The following NAV3 variants were observed in gnomAD, a reference collection of about 807,000 sequenced individuals.
The protein encoded by NAV3 is neuron navigator 3.
NAV3 carries 87 observed loss-of-function variants against 244.7 expected under a neutral mutation model. The ratio of observed to expected loss-of-function variants is 0.36; its 90% CI spans 0.30 to 0.42. The LOEUF is 0.42. NAV3 is among the 20% of genes least tolerant of loss of function. The pLI is 1.00. For missense variants in NAV3, 2,663 were observed against 2,893.3 expected (o/e 0.92, Z 1.83); for synonymous variants, 1,126 against 1,042.2 (o/e 1.08, Z -1.55).
intron 2 of NAV3, among the ~76,000 whole-genome samples, chr12:77,663,582 C>T (rs965851053): frequency 6.8e-5 from 10 of 148,014 alleles, no homozygotes; most frequent in African/African-American, 2.3e-4. Context: ...AGCGCAATGG[C>T]GCGATCTCGG....
At chr12:77,828,564 T>G (rs1251451771), upstream of NAV3, among the ~76,000 whole-genome samples, 1 of 152,160 alleles carries the variant, frequency 6.6e-6, no homozygotes, top group Non-Finnish European at 1.5e-5. Flanking sequence ...ATTTTTTACT[T>G]TCTCGGTGCC....
chr12:78,071,380 A>G (rs300421), intron 12 of NAV3, among the ~76,000 whole-genome samples: 57,401 of 150,938 alleles, frequency 0.38, 11,002 homozygotes, highest in African/African-American at 0.44. Flanking sequence ...CATGTCCTTC[A>G]CCCACTTTTT....
At chr12:78,106,702 C>T (rs1317556619) in intron 12 of NAV3, among the ~76,000 whole-genome samples, 2 of 152,174 alleles carry the variant, frequency 1.3e-5, no homozygotes, top group African/African-American at 4.8e-5. Context: ...AAACTCCTCA[C>T]ACCTGGCCCA....
At chr12:77,667,786 G>T (rs1284358975) in intron 2 of NAV3, among the ~76,000 whole-genome samples, 2 of 152,100 alleles carry the variant, frequency 1.3e-5, no homozygotes, top group African/African-American at 4.8e-5. Flanking sequence ...CATCCTCCCT[G>T]TACAACCACA....
intron 7 of NAV3, among the ~76,000 whole-genome samples, chr12:78,002,286 C>T (rs571869856): frequency 6.6e-6 from 1 of 152,244 alleles, no homozygotes; most frequent in African/African-American, 2.4e-5. Context: ...AAGAAACATG[C>T]CCCAGCACCA....
upstream of NAV3, among the ~76,000 whole-genome samples, chr12:77,825,964 A>G (rs573829604): frequency 1.4e-4 from 21 of 152,288 alleles, no homozygotes; most frequent in Admixed American, 9.8e-4. Flanking sequence ...AAAAATTCAA[A>G]TTAAAACTGC....
chr12:78,162,920 ATAT>A (rs1565744365), intron 23 of NAV3, among the ~76,000 whole-genome samples: 1 of 129,814 alleles, frequency 7.7e-6, no homozygotes, highest in African/African-American at 2.6e-5. Context: ...ATATTATATA[ATAT>A]ATATATAAAT....
At chr12:77,652,076 C>T (rs891347045) in intron 2 of NAV3, among the ~76,000 whole-genome samples, 4 of 152,200 alleles carry the variant, frequency 2.6e-5, no homozygotes, top group African/African-American at 7.2e-5. Context: ...TTTAACATCA[C>T]TCTACTGTCC....
At chr12:77,723,875 C>A (rs1219014305) in intron 2 of NAV3, among the ~76,000 whole-genome samples, 1 of 146,374 alleles carries the variant, frequency 6.8e-6, no homozygotes, top group Admixed American at 7.0e-5. Flanking sequence ...TAGTGAAAAG[C>A]CTTTTTCATG....
intron 12 of NAV3, among the ~76,000 whole-genome samples, chr12:78,088,248 T>C (rs1953739481): frequency 6.6e-6 from 1 of 151,776 alleles, no homozygotes; most frequent in South Asian, 2.1e-4. Flanking sequence ...CTGAAATGCA[T>C]GTGAAGAAAA....
At position 78,137,165 on chromosome 12, in the gene NAV3, T is replaced by A. The variant is rs1184291070; in HGVS notation, c.4442-12T>A. ...CTTAAGAGTAATAGGCTCTGTGTGT[T>A]TTGTTTTTCAGTGAGCCCAACAAAT... On this transcript the variant is annotated splice_polypyrimidine_tract_variant and intron_variant, in intron 18 of 39. Coordinates refer to ENST00000397909, the MANE Select transcript of NAV3 (RefSeq NM_001024383.2). 1 of 1,606,396 alleles carries A rather than the reference T, an allele frequency of 6.2e-7. No homozygotes were observed. The highest frequency in any genetic ancestry group is 8.5e-7 in the Non-Finnish European group (1 of 1,176,338).
intron 1 of NAV3, among the ~76,000 whole-genome samples, chr12:77,896,206 C>G (rs1381575158): frequency 2.0e-5 from 3 of 152,096 alleles, no homozygotes; most frequent in East Asian, 3.9e-4. Context: ...TAACAGTGAA[C>G]TCTGAAGTTC....
At position 77,668,313 on chromosome 12, in the gene NAV3, A is replaced by G. The variant is rs550328308; in HGVS notation, c.72+96047A>G. Reference sequence around the variant, plus strand: ...CTGAATTGCCAGAAAAAGAATTCAGATGGTCGACTATTAAGCTAATCAAGG... The same window carrying G: ...CTGAATTGCCAGAAAAAGAATTCAGGTGGTCGACTATTAAGCTAATCAAGG... On this transcript the variant is annotated intron_variant, in intron 2 of 8. Transcript: ENST00000550042. Among the ~76,000 whole-genome samples the G allele has an allele frequency of 2.6e-5, 4 of 152,362 alleles. No homozygotes were observed. The South Asian group carries it at 8.3e-4, about 32-fold the overall frequency.
At chr12:78,141,618 GT>G (rs1213363555) in intron 20 of NAV3, among the ~76,000 whole-genome samples, 1 of 152,080 alleles carries the variant, frequency 6.6e-6, no homozygotes, top group Middle Eastern at 3.2e-3. Flanking sequence ...AAATCTGACT[GT>G]TATTGGCAGA....
rs574346604 is a variant in NAV3 at position 78,071,833 on chromosome 12, A to G, written c.2636+12718A>G. 1.4e-4 allele frequency among the ~76,000 whole-genome samples: 21 copies of G among 152,286 alleles called. No homozygotes were observed. The East Asian group carries it at 3.9e-3, about 28-fold the overall frequency. On this transcript the variant is annotated intron_variant, in intron 12 of 39. Transcript: ENST00000397909. ...AAAAGAACAGAAATTATAACAAACT[A>G]TCTCTCAGACCACAGTTCAATCAAA... is the stretch of plus-strand genomic sequence containing the variant.
At chr12:77,712,256 T>C (rs1007354217) in intron 2 of NAV3, among the ~76,000 whole-genome samples, 3 of 152,138 alleles carry the variant, frequency 2.0e-5, no homozygotes, top group Non-Finnish European at 2.9e-5. Context: ...AAAAACAAAA[T>C]CACTGGACCA....
intron 2 of NAV3, among the ~76,000 whole-genome samples, chr12:77,604,722 T>C (rs1288981567): frequency 6.6e-6 from 1 of 152,074 alleles, no homozygotes; most frequent in Non-Finnish European, 1.5e-5. Context: ...CGTATAATGC[T>C]CAGTTCATTT....
intron 17 of NAV3, 44 bp from the exon 18 acceptor site, chr12:78,128,662 C>A (rs2138845606): frequency 6.3e-7 from 1 of 1,580,896 alleles, no homozygotes; most frequent in Non-Finnish European, 8.6e-7. Flanking sequence ...CATTGCCTTG[C>A]CCTTGTAGAT....
intron 2 of NAV3, among the ~76,000 whole-genome samples, chr12:77,616,232 C>T (rs958412097): frequency 6.6e-6 from 1 of 151,946 alleles, no homozygotes; most frequent in East Asian, 1.9e-4. Flanking sequence ...CGTGGTGAAA[C>T]CCCGTCTCTA....
Sources: allele counts gnomAD v4.1 joint callset (sites outside exome capture counted in the v4.1 genomes callset), GRCh38; gene constraint gnomAD v4.1.1; transcripts MANE v1.5; gene names NCBI Gene and HGNC (gene_info 2026-07-23, HGNC 2026-07-21).